The following SIM2 variants were observed in gnomAD, a reference collection of about 807,000 sequenced individuals.
SIM2 encodes SIM bHLH transcription factor 2, also known as single-minded homolog 2.
SIM2 carries 28 observed loss-of-function variants against 64.8 expected under a neutral mutation model. The observed-to-expected ratio is 0.43, with a 90% CI of 0.32 to 0.59. The LOEUF (loss-of-function observed/expected upper bound fraction) is 0.59. SIM2 is among the 20% of genes least tolerant of loss of function. The pLI is 0.07. For missense variants in SIM2, 847 were observed against 871.4 expected, an observed-to-expected ratio of 0.97 and a Z score of 0.35; for synonymous variants, 408 against 391.1, an observed-to-expected ratio of 1.04 and a Z score of -0.51.
At position 36,738,801 on chromosome 21, in the gene SIM2, G is replaced by A. The variant is rs1299615690; in HGVS notation, c.851-2916G>A. Among the ~76,000 whole-genome samples the A allele has an allele frequency of 3.3e-5, 5 of 152,240 alleles. No individual in the cohort carries two copies. In the East Asian group the frequency reaches 9.6e-4, roughly 29 times the overall value. On this transcript the variant is annotated intron_variant, in intron 7 of 10. Transcript: ENST00000290399. ...ACCCCCAAAGGAGAAGCATTGTCAG[G>A]CTTCTCTCTTTGCCATGGCCTTTGC... is the stretch of plus-strand genomic sequence containing the variant.
Position 36,726,332 on chromosome 21 carries a change from C to T in SIM2, c.743+14C>T, listed in dbSNP as rs747872579. 1 of 1,606,382 alleles carries T rather than the reference C, an allele frequency of 6.2e-7. No individual in the cohort carries two copies. The highest frequency in any genetic ancestry group is 8.5e-7 in the Non-Finnish European group (1 of 1,176,000). ...CCTGGATTCCAGGTGAGTTCGGCAC[C>T]TGCCACAGTGGCTGTGGCCTTCTGG... On this transcript the variant is annotated intron_variant, in intron 6 of 10. Transcript: ENST00000290399. This position sits in a 1 kb window ranked among gnomAD's most constrained non-coding sequence, Gnocchi z 4.5.
In SIM2 at chr21:36,745,831, C is replaced by T. The variant is rs1422180383; in HGVS notation, c.1576+695C>T. 11 of 1,303,932 alleles carry T rather than the reference C, an allele frequency of 8.4e-6. 1 individual carries two copies. In the Admixed American group the frequency reaches 9.2e-5, roughly 11 times the overall value. The allele number at this position is 1,303,932 out of a possible 1,614,324, so 80.8% of individuals were successfully genotyped here. A position where few individuals can be genotyped will look rare whatever the true frequency, so the allele number is the denominator to read the frequency against. On this transcript the variant is annotated intron_variant, in intron 10 of 10. Coordinates refer to ENST00000290399, the MANE Select transcript of SIM2 (RefSeq NM_005069.6). This position sits in a 1 kb window ranked among gnomAD's most constrained non-coding sequence, Gnocchi z 4.8. The stretch of plus-strand genomic sequence containing the variant: ...TCCTCTGCGGAGATACCGCCAGCTC[C>T]CCAGGACGCAGACTGACTCCTGTTT...
chr21:36,725,382 G>A (rs1420535313), intron 5 of SIM2, among the ~76,000 whole-genome samples: 3 of 152,132 alleles, frequency 2.0e-5, no homozygotes, highest in Non-Finnish European at 4.4e-5. Context: ...TTATTTACTG[G>A]TACAGCGTGT....
intron 7 of SIM2, among the ~76,000 whole-genome samples, chr21:36,732,478 C>T (rs913084933): frequency 5.9e-5 from 9 of 152,154 alleles, no homozygotes; most frequent in Non-Finnish European, 1.0e-4. Context: ...TGCTGGGCTC[C>T]GTGTGGACTG....
intron 4 of SIM2, 21 bp downstream of exon 4, chr21:36,719,950 A>T: frequency 6.7e-7 from 1 of 1,482,354 alleles, no homozygotes; most frequent in Non-Finnish European, 9.4e-7. Context: ...CAGAGGGAAA[A>T]AAAAAAACAG....
chr21:36,704,289 C>T (rs1018265430), intron 1 of SIM2, among the ~76,000 whole-genome samples: 3 of 152,210 alleles, frequency 2.0e-5, no homozygotes, highest in African/African-American at 7.2e-5. Context: ...GAAACTCACC[C>T]CTATACCCCT....
In SIM2 at chr21:36,699,165, G is replaced by A. The variant is rs1030073092; in HGVS notation, c.-582G>A. 10 of 151,692 alleles carry A rather than the reference G, an allele frequency of 6.6e-5. No homozygotes were observed. In the East Asian group the frequency reaches 2.0e-3, roughly 30 times the overall value. 9.4% of individuals were successfully genotyped at this position (151,692 alleles called of 1,614,324 possible). On this transcript the variant is annotated 5_prime_UTR_variant, in exon 1 of 11. Coordinates refer to ENST00000290399, the MANE Select transcript of SIM2 (RefSeq NM_005069.6). The surrounding 1 kb of genome is among the most constrained non-coding windows in gnomAD (Gnocchi z 5.6). ...GTGGACAGCGGAGGTGCTGCGCCTA[G>A]CCACACATCGCGGGCTCCGGCGCTG... is the stretch of plus-strand genomic sequence containing the variant.
chr21:36,731,042 C>G lies in SIM2; in HGVS notation c.744-3C>G. 1 of 1,612,466 alleles carries G rather than the reference C, an allele frequency of 6.2e-7. No individual in the cohort carries two copies. The highest frequency in any genetic ancestry group is 8.5e-7 in the Non-Finnish European group (1 of 1,178,602). On this transcript the variant is annotated splice_region_variant and splice_polypyrimidine_tract_variant and intron_variant, in intron 6 of 10. Transcript: ENST00000290399. ...AACTCACTGAGCTGCCATGCCCCCA[C>G]AGGGTGACCGAGGTGACGGGGTACG...
At chr21:36,740,302 T>G (rs2089144925) in intron 7 of SIM2, among the ~76,000 whole-genome samples, 2 of 152,180 alleles carry the variant, frequency 1.3e-5, no homozygotes, top group Non-Finnish European at 2.9e-5. Flanking sequence ...TCTGTGGATG[T>G]GCCTATTCTG....
In SIM2 at chr21:36,747,529, G is replaced by A. The variant is rs1383027004; in HGVS notation, c.1577-136G>A. 2.2e-6 allele frequency: 1 copy of A among 444,790 alleles called. No individual in the cohort carries two copies. The highest frequency in any genetic ancestry group is 2.1e-5 in the African/African-American group (1 of 47,312). The allele number at this position is 444,790 out of a possible 1,614,324, so 27.6% of individuals were successfully genotyped here. On this transcript the variant is annotated intron_variant, in intron 10 of 10. Coordinates refer to ENST00000290399, the MANE Select transcript of SIM2 (RefSeq NM_005069.6). The surrounding 1 kb of genome is among the most constrained non-coding windows in gnomAD (Gnocchi z 4.5). ...ATTGGACAGCACGGCCTAGACTAAG[G>A]CGGGGGAGGGCGACAGCGACCCCGC...
chr21:36,707,282 TGC>T (rs1355167043), intron 1 of SIM2, among the ~76,000 whole-genome samples: 1 of 152,230 alleles, frequency 6.6e-6, no homozygotes, highest in Non-Finnish European at 1.5e-5. Flanking sequence ...TTTTGGTTCT[TGC>T]CATTGCTAAC....
At chr21:36,736,241 A>G (rs1873674463) in intron 7 of SIM2, among the ~76,000 whole-genome samples, 1 of 152,080 alleles carries the variant, frequency 6.6e-6, no homozygotes, top group African/African-American at 2.4e-5. Context: ...GAGAGCAGGA[A>G]CAAAGCAGAC....
At chr21:36,713,748 T>C (rs2088707943) in intron 3 of SIM2, among the ~76,000 whole-genome samples, 1 of 152,262 alleles carries the variant, frequency 6.6e-6, no homozygotes, top group Non-Finnish European at 1.5e-5. Flanking sequence ...TACTTTTTTT[T>C]ATAAGCTTGC....
At chr21:36,709,422 A>T (rs529305469) in intron 2 of SIM2, 172 bp downstream of exon 2, 3 of 713,020 alleles carry the variant, frequency 4.2e-6, no homozygotes, top group Non-Finnish European at 7.6e-6. Flanking sequence ...AGCATGTCGG[A>T]TGCGGCCTGC....
At position 36,726,156 on chromosome 21, in the gene SIM2, A is replaced by G; in HGVS notation, c.581A>G (p.Tyr194Cys). ...HCSGYLKIRQ[Y>C]MLDMSLYDSC... ...AGTGGCTACTTGAAGATCAGGCAGT[A>G]TATGCTGGACATGTCCCTGTACGAC... The change falls in exon 6 of 11, where the codon TAT (tyrosine) becomes TGT (cysteine). Residue 194 changes from tyrosine (Y) to cysteine (C), a missense_variant. Tyr to Cys is a radical substitution (Grantham distance 194). Coordinates refer to ENST00000290399, the MANE Select transcript of SIM2 (RefSeq NM_005069.6). This position sits in a 1 kb window ranked among gnomAD's most constrained non-coding sequence, Gnocchi z 4.5. The G allele has an allele frequency of 6.2e-7, 1 of 1,613,970 alleles. No individual in the cohort carries two copies. The highest frequency in any genetic ancestry group is 2.2e-5 in the East Asian group (1 of 44,884).
At position 36,699,713 on chromosome 21, in the gene SIM2, C is replaced by T; in HGVS notation, c.-34C>T. On this transcript the variant is annotated 5_prime_UTR_variant, in exon 1 of 11. It adds an upstream start codon to the 5' untranslated region. Coordinates refer to ENST00000290399, the MANE Select transcript of SIM2 (RefSeq NM_005069.6). The surrounding 1 kb of genome is among the most constrained non-coding windows in gnomAD (Gnocchi z 5.6). ...AGCGGGGCTCCGCGGGCCTGGAGCA[C>T]GGCCGGGTCTAATATGCCCGGAGCC... 4.4e-6 allele frequency: 7 copies of T among 1,601,836 alleles called. No individual in the cohort carries two copies. The highest frequency in any genetic ancestry group is 2.2e-5 in the South Asian group (2 of 89,558).
Position 36,737,961 on chromosome 21 carries a change from C to CAAAAAAAAAAAAAA in SIM2, c.851-3748_851-3735dup, listed in dbSNP as rs61252184. Among the ~76,000 whole-genome samples, 10 of 34,118 alleles carry CAAAAAAAAAAAAAA rather than the reference C, an allele frequency of 2.9e-4. 2 individuals are homozygous for CAAAAAAAAAAAAAA. Among genetic ancestry groups the CAAAAAAAAAAAAAA allele is most frequent in the African/African-American group, 6.4e-4 (6 of 9,340 alleles). 22.4% of individuals were successfully genotyped at this position (34,118 alleles called of 152,430 possible). On this transcript the variant is annotated intron_variant, in intron 7 of 10. Transcript: ENST00000290399. ...TGGGCAAAAGAGCAAGACCCTGTCT[C>CAAAAAAAAAAAAAA]AAAAAAAAAAAAAAAAAAAAAGCAA...
intron 7 of SIM2, among the ~76,000 whole-genome samples, chr21:36,739,481 G>A (rs2089125989): frequency 6.6e-6 from 1 of 152,146 alleles, no homozygotes; most frequent in Admixed American, 6.5e-5. Context: ...TTTAATGGCT[G>A]CATAGTTTGC....
At chr21:36,708,772 G>T (rs1003399786) in intron 1 of SIM2, among the ~76,000 whole-genome samples, 3 of 152,208 alleles carry the variant, frequency 2.0e-5, no homozygotes, top group Admixed American at 6.5e-5. Flanking sequence ...GTCCTTGGGG[G>T]AATATTTGCG....
Sources: gnomAD v4.1 joint callset for allele counts (sites outside exome capture counted in the v4.1 genomes callset) on GRCh38, gnomAD v4.1.1 for gene constraint, Gnocchi (gnomAD v3.1) non-coding constraint, MANE v1.5 for transcripts, NCBI Gene and HGNC (gene_info 2026-07-23, HGNC 2026-07-21) for gene names.